CDH8: variants seen among roughly 807,000 people sequenced by gnomAD.
The protein encoded by CDH8 is cadherin-8.
CDH8 carries 17 observed loss-of-function variants against 68.1 expected under a neutral mutation model. The ratio of observed to expected loss-of-function variants is 0.25; its 90% confidence interval spans 0.17 to 0.37. The LOEUF is 0.37. Ranked by LOEUF, CDH8 falls within the 10% of genes least tolerant of loss-of-function variation. The pLI is 1.00. For missense variants in CDH8, 763 were observed against 999.3 expected (o/e 0.76, Z 3.19); for synonymous variants, 372 against 365.1 (o/e 1.02, Z -0.21).
At chr16:62,004,193 T>C (rs1225584035) in intron 2 of CDH8, among the ~76,000 whole-genome samples, 1 of 152,202 alleles carries the variant, frequency 6.6e-6, no homozygotes, top group Admixed American at 6.5e-5. Flanking sequence ...CCCCACTCAG[T>C]GAACTAGGAT....
intron 9 of CDH8, among the ~76,000 whole-genome samples, chr16:61,718,324 C>T (rs1253712108): frequency 6.6e-6 from 1 of 151,252 alleles, no homozygotes; most frequent in Admixed American, 6.6e-5. Context: ...GGTGAGAAAA[C>T]CCTATTCTGT....
At chr16:61,778,814 C>T (rs1960964879) in intron 8 of CDH8, among the ~76,000 whole-genome samples, 1 of 152,084 alleles carries the variant, frequency 6.6e-6, no homozygotes, top group African/African-American at 2.4e-5. Context: ...CTCCAGAACC[C>T]AAGATTCCTC....
intron 4 of CDH8, among the ~76,000 whole-genome samples, chr16:61,831,706 C>T (rs781560491): frequency 1.1e-4 from 16 of 151,776 alleles, no homozygotes; most frequent in Non-Finnish European, 2.4e-4. Context: ...AGAGGCTTCA[C>T]AAGAAAGGCA....
intron 7 of CDH8, among the ~76,000 whole-genome samples, chr16:61,799,466 A>G (rs1271657797): frequency 6.6e-6 from 1 of 152,096 alleles, no homozygotes; most frequent in African/African-American, 2.4e-5. Context: ...CTTTCCTATA[A>G]TCTAGTGGAG....
intron 2 of CDH8, among the ~76,000 whole-genome samples, chr16:61,959,984 G>GTATA (rs1181394965): frequency 0.052 from 2,297 of 44,456 alleles, 159 homozygotes; most frequent in Middle Eastern, 0.17. Flanking sequence ...GTGTGTGTGT[G>GTATA]TATATATATA....
intron 2 of CDH8, among the ~76,000 whole-genome samples, chr16:61,907,833 A>C (rs1964088604): frequency 6.6e-6 from 1 of 152,130 alleles, no homozygotes; most frequent in African/African-American, 2.4e-5. Context: ...TCACGAGGTC[A>C]GGAGATCGAG....
At chr16:61,723,384 G>GA in intron 9 of CDH8, among the ~76,000 whole-genome samples, 1 of 150,660 alleles carries the variant, frequency 6.6e-6, no homozygotes, top group Non-Finnish European at 1.5e-5. Flanking sequence ...ATTCTCTTCA[G>GA]AAAGAATCTG....
chr16:61,763,418 T>C (rs911548333), intron 8 of CDH8, among the ~76,000 whole-genome samples: 9 of 152,186 alleles, frequency 5.9e-5, no homozygotes, highest in Non-Finnish European at 1.2e-4. Flanking sequence ...AGTCTGCATG[T>C]TCTCTTCCTC....
intron 8 of CDH8, among the ~76,000 whole-genome samples, chr16:61,729,940 T>C (rs1307199523): frequency 6.6e-6 from 1 of 151,434 alleles, no homozygotes; most frequent in Admixed American, 6.6e-5. Flanking sequence ...AAGTCAACTA[T>C]GTATGATATT....
At chr16:61,879,768 A>G (rs1379190463) in intron 3 of CDH8, among the ~76,000 whole-genome samples, 2 of 152,212 alleles carry the variant, frequency 1.3e-5, no homozygotes, top group Non-Finnish European at 2.9e-5. Flanking sequence ...GTCCTGTGAT[A>G]GGCCCCGAAA....
intron 4 of CDH8, among the ~76,000 whole-genome samples, chr16:61,836,615 A>G (rs1394648167): frequency 6.6e-6 from 1 of 151,976 alleles, no homozygotes; most frequent in Admixed American, 6.6e-5. Context: ...AGCTATTTCA[A>G]TGAGAGATCT....
chr16:61,864,194 G>A (rs137983514), intron 3 of CDH8, among the ~76,000 whole-genome samples: 1 of 152,246 alleles, frequency 6.6e-6, no homozygotes, highest in East Asian at 1.9e-4. Flanking sequence ...TTATTTATTA[G>A]TTTTATGGAA....
chr16:61,721,826 C>T (rs1320670021), intron 9 of CDH8, among the ~76,000 whole-genome samples: 1 of 150,706 alleles, frequency 6.6e-6, no homozygotes, highest in Non-Finnish European at 1.5e-5. Flanking sequence ...TTCATTTTTG[C>T]CACTTTTCAT....
chr16:61,824,892 G>T, intron 5 of CDH8, 120 bp downstream of exon 5: 1 of 784,956 alleles, frequency 1.3e-6, no homozygotes, highest in Non-Finnish European at 2.1e-6. Context: ...GCCATACCTG[G>T]CACATAATAA....
At chr16:62,017,740 G>C (rs1215694558) in intron 2 of CDH8, among the ~76,000 whole-genome samples, 1 of 152,042 alleles carries the variant, frequency 6.6e-6, no homozygotes, top group Non-Finnish European at 1.5e-5. Context: ...AAAGGCTTTT[G>C]TTGCTTCTGA....
At chr16:61,683,303 A>C (rs974068139) in intron 10 of CDH8, among the ~76,000 whole-genome samples, 1 of 152,016 alleles carries the variant, frequency 6.6e-6, no homozygotes, top group Non-Finnish European at 1.5e-5. Context: ...ATAGTTCTGC[A>C]TATATAAACA....
intron 2 of CDH8, among the ~76,000 whole-genome samples, chr16:61,943,517 T>C (rs1964755994): frequency 1.3e-5 from 2 of 152,178 alleles, no homozygotes. Context: ...GTATGGAGCT[T>C]TTGATAGAGT....
At chr16:61,955,614 T>C (rs962404812) in intron 2 of CDH8, among the ~76,000 whole-genome samples, 2 of 152,172 alleles carry the variant, frequency 1.3e-5, no homozygotes, top group Non-Finnish European at 2.9e-5. Context: ...TTTTCTTTCT[T>C]TTTTTTAATT....
chr16:61,901,504 G>A (rs1358176826), intron 2 of CDH8, 31 bp from the exon 3 acceptor site: 2 of 1,533,998 alleles, frequency 1.3e-6, no homozygotes, highest in South Asian at 2.4e-5. Flanking sequence ...AGTTAGTGAT[G>A]GAGCAATCTG....
Sources: gnomAD v4.1 joint callset for allele counts (sites outside exome capture counted in the v4.1 genomes callset) on GRCh38, gnomAD v4.1.1 for gene constraint, MANE v1.5 for transcripts, NCBI Gene and HGNC (gene_info 2026-07-23, HGNC 2026-07-21) for gene names.